ARHGAP29: variants seen among roughly 807,000 people sequenced by gnomAD.
The protein encoded by ARHGAP29 is Rho GTPase activating protein 29.
Under a neutral mutation model 122.6 loss-of-function variants are expected in ARHGAP29, and 43 were observed. The observed-to-expected ratio is 0.35, with a 90% CI of 0.27 to 0.45. The LOEUF (loss-of-function observed/expected upper bound fraction) is 0.45. ARHGAP29 is among the 20% of genes least tolerant of loss of function. The pLI is 1.00. For synonymous variants in ARHGAP29, 506 were observed against 497.1 expected (o/e 1.02, Z -0.24); for missense variants, 1,303 against 1,477.2 (o/e 0.88, Z 1.93).
chr1:94,199,986 A>G (rs1237252570), intron 12 of ARHGAP29, among the ~76,000 whole-genome samples: 1 of 152,212 alleles, frequency 6.6e-6, no homozygotes, highest in Non-Finnish European at 1.5e-5. Flanking sequence ...TTACACAAAA[A>G]TTAAGCCCAA....
intron 22 of ARHGAP29, chr1:94,177,397 T>A: frequency 2.5e-6 from 1 of 400,514 alleles, no homozygotes; most frequent in Non-Finnish European, 4.4e-6. Flanking sequence ...AACTCCAAGA[T>A]GTCTTATTAT....
the ARHGAP29 span, among the ~76,000 whole-genome samples, chr1:94,283,610 A>G: frequency 6.6e-6 from 1 of 152,212 alleles, no homozygotes; most frequent in Non-Finnish European, 1.5e-5. Context: ...GAGAGTGATG[A>G]AAAAGCAGTA....
At chr1:94,230,688 T>G (rs1465472990) in intron 2 of ARHGAP29, among the ~76,000 whole-genome samples, 1 of 151,832 alleles carries the variant, frequency 6.6e-6, no homozygotes, top group Non-Finnish European at 1.5e-5. Flanking sequence ...GACATACCAT[T>G]ATGAATATGG....
intron 1 of ARHGAP29, among the ~76,000 whole-genome samples, chr1:94,256,786 C>G (rs949230268): frequency 3.3e-5 from 5 of 151,500 alleles, no homozygotes; most frequent in Non-Finnish European, 7.4e-5. Flanking sequence ...TCTCGATCTC[C>G]TGACCTCGTG....
At chr1:94,200,797 T>C (rs898890166) in intron 12 of ARHGAP29, among the ~76,000 whole-genome samples, 1 of 152,204 alleles carries the variant, frequency 6.6e-6, no homozygotes, top group African/African-American at 2.4e-5. Flanking sequence ...ATATACTATA[T>C]GATTTCACTT....
At chr1:94,291,853 A>T in the ARHGAP29 span, among the ~76,000 whole-genome samples, 2 of 152,208 alleles carry the variant, frequency 1.3e-5, no homozygotes, top group Non-Finnish European at 2.9e-5. Context: ...CTTTGTGGGT[A>T]ACCCAACCCT....
intron 1 of ARHGAP29, among the ~76,000 whole-genome samples, chr1:94,250,864 C>T (rs1654055546): frequency 6.6e-6 from 1 of 152,118 alleles, no homozygotes; most frequent in African/African-American, 2.4e-5. Flanking sequence ...ATGATATAAA[C>T]CTCTGTGCTT....
the ARHGAP29 span, among the ~76,000 whole-genome samples, chr1:94,303,690 T>C: frequency 1.3e-5 from 2 of 152,176 alleles, no homozygotes; most frequent in South Asian, 4.1e-4. Context: ...AAATATGAAA[T>C]ATTATTCTCA....
chr1:94,208,803 G>C, intron 5 of ARHGAP29, 29 bp downstream of exon 5: 1 of 1,602,950 alleles, frequency 6.2e-7, no homozygotes, highest in South Asian at 1.1e-5. Flanking sequence ...AAACATTAAA[G>C]ACTTTGCTTT....
chr1:94,185,307 A>G (rs1326399729), intron 17 of ARHGAP29, 35 bp downstream of exon 17: 1 of 1,536,136 alleles, frequency 6.5e-7, no homozygotes, highest in Non-Finnish European at 8.7e-7. Context: ...AACAAAAAGC[A>G]TAAAAGGGTC....
chr1:94,300,041 T>G, the ARHGAP29 span, among the ~76,000 whole-genome samples: 1 of 152,206 alleles, frequency 6.6e-6, no homozygotes, highest in Non-Finnish European at 1.5e-5. Context: ...CATGCACATA[T>G]GCCAGTGTGC....
chr1:94,217,343 G>T (rs151112760), intron 3 of ARHGAP29, among the ~76,000 whole-genome samples: 2 of 152,114 alleles, frequency 1.3e-5, no homozygotes, highest in African/African-American at 4.8e-5. Flanking sequence ...AGACTTGTCT[G>T]GCCAAAATGG....
chr1:94,214,096 T>C (rs1001471619), intron 3 of ARHGAP29, among the ~76,000 whole-genome samples: 2 of 152,206 alleles, frequency 1.3e-5, no homozygotes, highest in Non-Finnish European at 2.9e-5. Flanking sequence ...GTTTCAGCCC[T>C]GAGTTCAAAT....
At chr1:94,306,287 G>C in the ARHGAP29 span, among the ~76,000 whole-genome samples, 26 of 152,320 alleles carry the variant, frequency 1.7e-4, no homozygotes, top group Non-Finnish European at 3.2e-4. Context: ...TCTTTCCCCA[G>C]GTTGAAGCTG....
At chr1:94,231,699 A>C (rs538634817) in intron 1 of ARHGAP29, 56 bp from the exon 2 acceptor site, 2 of 1,300,426 alleles carry the variant, frequency 1.5e-6, no homozygotes, top group East Asian at 2.3e-5. Context: ...AGAAACACAA[A>C]AACTAAATCA....
the ARHGAP29 span, chr1:94,302,356 G>A: frequency 6.5e-6 from 2 of 308,514 alleles, no homozygotes; most frequent in South Asian, 5.7e-5. Flanking sequence ...GGCTCACTTA[G>A]AGGGTGGAGC....
intron 1 of ARHGAP29, among the ~76,000 whole-genome samples, chr1:94,253,681 T>C (rs1340247761): frequency 6.8e-6 from 1 of 147,452 alleles, no homozygotes; most frequent in Non-Finnish European, 1.5e-5. Flanking sequence ...CATGCACACA[T>C]TAAGGCTTTT....
intron 1 of ARHGAP29, among the ~76,000 whole-genome samples, chr1:94,234,335 A>C (rs961989067): frequency 2.6e-5 from 4 of 152,238 alleles, no homozygotes; most frequent in Admixed American, 6.5e-5. Context: ...AAACAAAAAT[A>C]ACTCTGGGTT....
At chr1:94,268,793 A>ATG (rs1442447971) in intron 1 of ARHGAP29, among the ~76,000 whole-genome samples, 9 of 143,802 alleles carry the variant, frequency 6.3e-5, no homozygotes, top group South Asian at 2.1e-4. Context: ...TCAAGAAGAT[A>ATG]TATATATATA....
Sources: allele counts gnomAD v4.1 joint callset (sites outside exome capture counted in the v4.1 genomes callset), GRCh38; gene constraint gnomAD v4.1.1; transcripts MANE v1.5; gene names NCBI Gene and HGNC (gene_info 2026-07-23, HGNC 2026-07-21).